The following HIPK1 variants were observed in gnomAD, a reference collection of about 807,000 sequenced individuals.
The protein encoded by HIPK1 is homeodomain interacting protein kinase 1, also known as homeodomain-interacting protein kinase 1.
HIPK1 carries 28 observed loss-of-function variants against 117.1 expected under a neutral mutation model. The ratio of observed to expected loss-of-function variants is 0.24; its 90% confidence interval spans 0.18 to 0.33. The LOEUF (loss-of-function observed/expected upper bound fraction) is 0.33. Ranked by LOEUF, HIPK1 falls within the 10% of genes least tolerant of loss-of-function variation. HIPK1 has a pLI of 1.00. For missense variants in HIPK1, 1,122 were observed against 1,475.1 expected (o/e 0.76, Z 3.92); for synonymous variants, 605 against 562.5 (o/e 1.08, Z -1.07).
rs183964042 is a variant in HIPK1, at chr1:113,934,369, A to G, written c.-3+4837A>G. 2.6e-5 allele frequency among the ~76,000 whole-genome samples: 4 copies of G among 152,362 alleles called. No homozygotes were observed. In the East Asian group the frequency reaches 5.8e-4, roughly 22 times the overall value. ...ATAAGATTATTTGCCTATAGTGCTT[A>G]TAGTGTGGAGCACCCAGTAAATAAT... On this transcript the variant is annotated intron_variant, in intron 1 of 15. Coordinates refer to ENST00000426820, the MANE Select transcript of HIPK1 (RefSeq NM_198268.3).
chr1:113,966,740 A>G lies in HIPK1; in HGVS notation c.2381+468A>G, dbSNP rs180897594. 2.6e-5 allele frequency among the ~76,000 whole-genome samples: 4 copies of G among 152,298 alleles called. No homozygotes were observed. In the East Asian group the frequency reaches 7.7e-4, roughly 29 times the overall value. ...CAAGCATTTATCCTTTGAGTTACAA[A>G]TAATCCAATTACACTCTTTAAGTCA... On this transcript the variant is annotated intron_variant, in intron 11 of 15. Coordinates refer to ENST00000426820, the MANE Select transcript of HIPK1 (RefSeq NM_198268.3).
intron 2 of HIPK1, among the ~76,000 whole-genome samples, chr1:113,945,006 C>A (rs1670896686): frequency 6.6e-6 from 1 of 151,928 alleles, no homozygotes; most frequent in Non-Finnish European, 1.5e-5. Flanking sequence ...CACCCCCACA[C>A]CTGACTAGTG....
intron 1 of HIPK1, among the ~76,000 whole-genome samples, chr1:113,937,198 A>G (rs1347314939): frequency 6.6e-6 from 1 of 152,224 alleles, no homozygotes; most frequent in Non-Finnish European, 1.5e-5. Flanking sequence ...AAACTCTTAA[A>G]GTAAATCTCA....
At chr1:113,955,092 A>G (rs933192525) in intron 4 of HIPK1, among the ~76,000 whole-genome samples, 1 of 152,260 alleles carries the variant, frequency 6.6e-6, no homozygotes, top group East Asian at 1.9e-4. Flanking sequence ...CTCAATGAAC[A>G]TGATAAAATC....
chr1:113,944,424 A>G (rs1271527000), intron 2 of HIPK1, among the ~76,000 whole-genome samples: 3 of 150,894 alleles, frequency 2.0e-5, no homozygotes, highest in Non-Finnish European at 4.4e-5. Context: ...TTGGCCTCCC[A>G]AAGTGCTGGG....
rs1443202502 is a variant in HIPK1 at position 113,977,508 on chromosome 1, T to G, written c.*3996T>G. ...TTCTCCCTTTTTTTGGTTGTGCGCT[T>G]TCTTTTACAACAAGCCTCTAGAAAC... On this transcript the variant is annotated 3_prime_UTR_variant, in exon 16 of 16. Transcript: ENST00000426820. The G allele has an allele frequency of 2.0e-5, 3 of 152,788 alleles. No individual in the cohort carries two copies. The highest frequency in any genetic ancestry group is 2.0e-4 in the Admixed American group (3 of 15,290). 9.5% of individuals were successfully genotyped at this position (152,788 alleles called of 1,614,324 possible).
intron 1 of HIPK1, chr1:113,929,935 C>G: frequency 1.0e-6 from 1 of 985,646 alleles, no homozygotes; most frequent in South Asian, 4.7e-5. Context: ...CCAGACACAC[C>G]GGCGGTGAGT....
rs562543128 is a variant in HIPK1, at chr1:113,941,292, G to A, written c.909G>A (p.Leu303=). 1.9e-6 allele frequency: 3 copies of A among 1,614,236 alleles called. No individual in the cohort carries two copies. The highest frequency in any genetic ancestry group is 2.2e-5 in the East Asian group (1 of 44,888). ...TCTTGCAGCAGGTGGCCACAGCCTT[G>A]ATGAAGCTCAAGAGTCTTGGTCTGA... The part of the protein sequence containing the change: ...RPILQQVATA[L]MKLKSLGLIH... Residue 303 remains leucine (L), a synonymous_variant, in exon 2 of 16, where the codon TTG becomes TTA. Transcript: ENST00000426820. This position sits in a 1 kb window ranked among gnomAD's most constrained non-coding sequence, Gnocchi z 4.9.
At chr1:113,938,196 G>A (rs6658209) in intron 1 of HIPK1, among the ~76,000 whole-genome samples, 115,036 of 150,558 alleles carry the variant, frequency 0.76, 44,671 homozygotes, top group African/African-American at 0.92. Context: ...TCTTGAACTC[G>A]TGGACTCAAG....
chr1:113,941,266 A>G lies in HIPK1; in HGVS notation c.883A>G (p.Ile295Val), dbSNP rs757839178. The G allele has an allele frequency of 9.3e-6, 15 of 1,614,218 alleles. No homozygotes were observed. The highest frequency in any genetic ancestry group is 1.3e-5 in the Non-Finnish European group (15 of 1,180,032). ...SPLPLKYIRP[I>V]LQQVATALMK... ...ACTGCCACTCAAGTACATCAGACCA[A>G]TCTTGCAGCAGGTGGCCACAGCCTT... The change falls in exon 2 of 16, where the codon ATC becomes GTC. Residue 295 changes from isoleucine to valine, a missense_variant. Around this residue, in one of 6 missense-constraint regions of HIPK1, gnomAD observed 62 missense variants for 121.5 expected, o/e 0.51. Transcript: ENST00000426820. This position sits in a 1 kb window ranked among gnomAD's most constrained non-coding sequence, Gnocchi z 4.9.
At chr1:113,960,162 A>T (rs1274844090) in intron 8 of HIPK1, among the ~76,000 whole-genome samples, 1 of 152,192 alleles carries the variant, frequency 6.6e-6, no homozygotes, top group Non-Finnish European at 1.5e-5. Flanking sequence ...AGATGACTAT[A>T]CTTACAGGAG....
chr1:113,951,467 T>G (rs1671358266), intron 2 of HIPK1, among the ~76,000 whole-genome samples: 1 of 152,196 alleles, frequency 6.6e-6, no homozygotes, highest in South Asian at 2.1e-4. Flanking sequence ...ATAATTCTAT[T>G]TTAGATGTGT....
chr1:113,973,208 A>T lies in HIPK1; in HGVS notation c.3329A>T (p.His1110Leu), dbSNP rs753203636. 5 of 1,613,738 alleles carry T rather than the reference A, an allele frequency of 3.1e-6. No homozygotes were observed. The East Asian group carries it at 1.1e-4, about 36-fold the overall frequency. ...PAPAHLPSQA[H>L]LYTYAAPTSA... Reference sequence around the variant, plus strand: ...CCTGCTCACCTGCCAAGCCAGGCTCATCTGTATACGTATGCTGCCCCGACT... The same window carrying T: ...CCTGCTCACCTGCCAAGCCAGGCTCTTCTGTATACGTATGCTGCCCCGACT... Residue 1110 changes from histidine (H) to leucine (L), a missense_variant, in exon 16 of 16, where the codon CAT becomes CTT. This residue lies in a region of HIPK1 where 731 missense variants were observed against 860.4 expected (regional missense o/e 0.85). Coordinates refer to ENST00000426820, the MANE Select transcript of HIPK1 (RefSeq NM_198268.3).
At chr1:113,949,118 G>A (rs1304601059) in intron 2 of HIPK1, among the ~76,000 whole-genome samples, 1 of 152,168 alleles carries the variant, frequency 6.6e-6, no homozygotes, top group Non-Finnish European at 1.5e-5. Context: ...GATTATAGGC[G>A]TGAGCCACCG....
Position 113,940,703 on chromosome 1 carries a change from C to T in HIPK1, c.320C>T (p.Thr107Ile), listed in dbSNP as rs1355031476. The change falls in exon 2 of 16, where the codon ACT (threonine) becomes ATT (isoleucine). Residue 107 changes from threonine to isoleucine, a missense_variant. By Grantham distance (89) the Thr-to-Ile change is moderately conservative. Coordinates refer to ENST00000426820, the MANE Select transcript of HIPK1 (RefSeq NM_198268.3). Reference sequence around the variant, plus strand: ...ACCTTCCAAAGCAGCCAGACCCTGACTCACAGAAGCAACGTTTCTTTGCTT... The same window carrying T: ...ACCTTCCAAAGCAGCCAGACCCTGATTCACAGAAGCAACGTTTCTTTGCTT... Reference protein sequence around the residue: ...TSTFQSSQTLTHRSNVSLLEP... With the variant: ...TSTFQSSQTLIHRSNVSLLEP... 2 of 1,614,186 alleles carry T rather than the reference C, an allele frequency of 1.2e-6. No individual in the cohort carries two copies. Among genetic ancestry groups the T allele is most frequent in the South Asian group, 1.1e-5 (1 of 91,076 alleles).
intron 7 of HIPK1, among the ~76,000 whole-genome samples, 198 bp from the exon 8 acceptor site, chr1:113,957,868 T>A (rs76826028): frequency 6.6e-6 from 1 of 152,108 alleles, no homozygotes; most frequent in Non-Finnish European, 1.5e-5. Flanking sequence ...TTTTTTTTTT[T>A]ATTTGCTTAT....
At chr1:113,960,466 T>C (rs1190748605) in intron 8 of HIPK1, among the ~76,000 whole-genome samples, 1 of 152,186 alleles carries the variant, frequency 6.6e-6, no homozygotes, top group East Asian at 1.9e-4. Context: ...GATAACACAT[T>C]TTGCTTAGTG....
intron 15 of HIPK1, 105 bp from the exon 16 acceptor site, chr1:113,972,919 C>G (rs1672932486): frequency 4.0e-6 from 5 of 1,252,710 alleles, no homozygotes; most frequent in African/African-American, 1.5e-5. Context: ...TGTGCTATAC[C>G]CATTCGAAAA....
rs1033589810 is a variant in HIPK1, at chr1:113,975,618, ATAC to A, written c.*2107_*2109del. 6.5e-6 allele frequency: 1 copy of A among 152,772 alleles called. No homozygotes were observed. The highest frequency in any genetic ancestry group is 2.4e-5 in the African/African-American group (1 of 41,446). The allele number at this position is 152,772 out of a possible 1,614,324, so 9.5% of individuals were successfully genotyped here. A position where few individuals can be genotyped will look rare whatever the true frequency, so the allele number is the denominator to read the frequency against. On this transcript the variant is annotated 3_prime_UTR_variant, in exon 16 of 16. Coordinates refer to ENST00000426820, the MANE Select transcript of HIPK1 (RefSeq NM_198268.3). ...AAAAAACATGTTAACAGATGTGTTT[ATAC>A]CAAAGAGCCTGTTGTATTGCTTACC...
Sources: gnomAD v4.1 joint callset for allele counts (sites outside exome capture counted in the v4.1 genomes callset) on GRCh38, gnomAD v4.1.1 for gene constraint, gnomAD v4.1.1 regional missense constraint, Gnocchi (gnomAD v3.1) non-coding constraint, MANE v1.5 for transcripts, NCBI Gene and HGNC (gene_info 2026-07-23, HGNC 2026-07-21) for gene names.